Variants in UBE2Z observed in about 807,000 individuals in gnomAD.
UBE2Z encodes ubiquitin conjugating enzyme E2 Z.
UBE2Z carries 10 observed loss-of-function variants against 32.6 expected under a neutral mutation model. The ratio of observed to expected loss-of-function variants is 0.31; its 90% CI spans 0.19 to 0.52. The LOEUF (loss-of-function observed/expected upper bound fraction) is 0.52, where lower values mean the gene tolerates loss of function less well. UBE2Z is among the 20% of genes least tolerant of loss of function. The probability of loss-of-function intolerance (pLI) is 0.97; values close to 1 mark genes in which losing one functional copy is unlikely to be tolerated. For missense variants in UBE2Z, 343 were observed against 480.9 expected, an observed-to-expected ratio of 0.71 and a Z score of 2.68; for synonymous variants, 183 against 190.8, an observed-to-expected ratio of 0.96 and a Z score of 0.34.
intron 4 of UBE2Z, among the ~76,000 whole-genome samples, chr17:48,916,436 A>G (rs1365575116): frequency 6.6e-6 from 1 of 151,322 alleles, no homozygotes; most frequent in African/African-American, 2.4e-5. Flanking sequence ...TATTTTTAGT[A>G]GAGATGGGGT....
At chr17:48,913,841 CGGT>C (rs909982929) in intron 3 of UBE2Z, among the ~76,000 whole-genome samples, 4 of 151,912 alleles carry the variant, frequency 2.6e-5, no homozygotes, top group Admixed American at 2.6e-4. Context: ...AAGGCAGTGG[CGGT>C]GGTGGTGGTG....
At chr17:48,909,308 C>T (rs1001294230) in intron 1 of UBE2Z, among the ~76,000 whole-genome samples, 1 of 151,956 alleles carries the variant, frequency 6.6e-6, no homozygotes, top group Non-Finnish European at 1.5e-5. Context: ...ATGCCTCTGA[C>T]TCGAGCCAAC....
chr17:48,908,614 C>T lies in UBE2Z; in HGVS notation c.111C>T (p.Phe37=). The change falls in exon 1 of 7, where the codon TTC becomes TTT. Residue 37 remains phenylalanine (F), a synonymous_variant. Transcript: ENST00000360943. ...GCGTTAGCGGCAGCGGCGGCGGGTTCGGGCCGCCTTTCCTGCCGGATGTGT... is the reference window on the plus strand; with the variant it reads ...GCGTTAGCGGCAGCGGCGGCGGGTTTGGGCCGCCTTTCCTGCCGGATGTGT... ...VVGVSGSGGG[F]GPPFLPDVWA... 8.1e-7 allele frequency: 1 copy of T among 1,236,558 alleles called. No individual in the cohort carries two copies. The highest frequency in any genetic ancestry group is 1.0e-6 in the Non-Finnish European group (1 of 987,624). The allele number at this position is 1,236,558 out of a possible 1,614,324, so 76.6% of individuals were successfully genotyped here.
intron 3 of UBE2Z, among the ~76,000 whole-genome samples, chr17:48,914,026 A>G (rs533555041): frequency 1.3e-5 from 2 of 152,286 alleles, no homozygotes; most frequent in East Asian, 3.9e-4. Context: ...ATGAGCCTCC[A>G]TGCCTGACCT....
At chr17:48,916,627 A>G (rs1407652186) in intron 4 of UBE2Z, among the ~76,000 whole-genome samples, 1 of 138,146 alleles carries the variant, frequency 7.2e-6, no homozygotes, top group Admixed American at 7.3e-5. Context: ...GACCTAGCAC[A>G]GCCCCATGTA....
At position 48,925,506 on chromosome 17, in the gene UBE2Z, A is replaced by C. The variant is rs77354883; in HGVS notation, c.895-1458A>C. Among the ~76,000 whole-genome samples the C allele has an allele frequency of 2.2e-3, 329 of 152,308 alleles. 2 individuals are homozygous for C. Among genetic ancestry groups the C allele is most frequent in the African/African-American group, 7.5e-3 (312 of 41,574 alleles). On this transcript the variant is annotated intron_variant, in intron 6 of 6. Transcript: ENST00000360943. ...CCTGTCTCATTTAAGCACAAAGGGCAGGGCTGGCTCAGGACTAAGTTGTCT... is the reference window on the plus strand; with the variant it reads ...CCTGTCTCATTTAAGCACAAAGGGCCGGGCTGGCTCAGGACTAAGTTGTCT...
At position 48,927,013 on chromosome 17, in the gene UBE2Z, T is replaced by C. The variant is rs1207903006; in HGVS notation, c.944T>C (p.Met315Thr). The C allele has an allele frequency of 6.2e-7, 1 of 1,613,536 alleles. No homozygotes were observed. The highest frequency in any genetic ancestry group is 1.3e-5 in the African/African-American group (1 of 74,908). ...RGHFDYQSLL[M>T]RLGLIRQKVL... ...CACTTTGACTACCAGTCCCTCTTGA[T>C]GCGCCTGGGACTGATACGTCAGAAA... The change falls in exon 7 of 7, where the codon ATG becomes ACG. Residue 315 changes from methionine to threonine, a missense_variant. Physicochemically the swap from Met to Thr is moderately conservative, Grantham distance 81. Transcript: ENST00000360943.
rs747498338 is a variant in UBE2Z at position 48,913,037 on chromosome 17, T to C, written c.578+16T>C. The stretch of plus-strand genomic sequence containing the variant: ...GTATTCTAGGGTAAGAGGAGACTTT[T>C]AAGTAGCCAAGTCGGTTGTTAGCAG... On this transcript the variant is annotated intron_variant, in intron 3 of 6. Transcript: ENST00000360943. The C allele has an allele frequency of 1.9e-5, 31 of 1,610,174 alleles. No homozygotes were observed. Among genetic ancestry groups the C allele is most frequent in the Non-Finnish European group, 2.5e-5 (29 of 1,176,832 alleles).
chr17:48,926,062 C>T (rs2040795987), intron 6 of UBE2Z, among the ~76,000 whole-genome samples: 1 of 152,072 alleles, frequency 6.6e-6, no homozygotes, highest in Non-Finnish European at 1.5e-5. Flanking sequence ...CCTTTCTGTA[C>T]AACGTTTAGG....
At chr17:48,916,484 C>T (rs537196363) in intron 4 of UBE2Z, among the ~76,000 whole-genome samples, 2 of 151,666 alleles carry the variant, frequency 1.3e-5, no homozygotes, top group African/African-American at 2.4e-5. Flanking sequence ...AGCTCCTGAC[C>T]TGGTGATCCG....
At position 48,922,721 on chromosome 17, in the gene UBE2Z, T is replaced by C. The variant is rs965955346; in HGVS notation, c.804-126T>C. On this transcript the variant is annotated intron_variant, in intron 5 of 6. Transcript: ENST00000360943. Reference sequence around the variant, plus strand: ...GGCAGAGGTCACAGTGAGCTGAGGTTGCACCACTGCACTCCAACATGGGCT... The same window carrying C: ...GGCAGAGGTCACAGTGAGCTGAGGTCGCACCACTGCACTCCAACATGGGCT... 8.6e-6 allele frequency: 5 copies of C among 580,312 alleles called. No homozygotes were observed. The Admixed American group carries it at 9.0e-5, about 10-fold the overall frequency. 35.9% of individuals were successfully genotyped at this position (580,312 alleles called of 1,614,324 possible).
intron 3 of UBE2Z, among the ~76,000 whole-genome samples, chr17:48,913,358 G>GT (rs1435889070): frequency 6.6e-6 from 1 of 152,056 alleles, no homozygotes; most frequent in African/African-American, 2.4e-5. Context: ...TTTGGTTGTT[G>GT]TTTTTTGTTT....
intron 2 of UBE2Z, 93 bp downstream of exon 2, chr17:48,910,973 G>T: frequency 1.0e-6 from 1 of 1,003,926 alleles, no homozygotes; most frequent in Non-Finnish European, 1.6e-6. Context: ...TCACCTCTCC[G>T]ATTACACAGA....
intron 5 of UBE2Z, 67 bp downstream of exon 5, chr17:48,921,339 G>A (rs1483946997): frequency 3.2e-6 from 4 of 1,249,214 alleles, no homozygotes; most frequent in Non-Finnish European, 3.4e-6. Flanking sequence ...CTTTGGGGCA[G>A]AGTACAGTGT....
rs1207273844 is a variant in UBE2Z, at chr17:48,928,559, C to G, written c.*1425C>G. ...TGCCCTCTGCTATGAAGGTCTCTGC[C>G]TTGTGGATCATGGGACTCCCCTTGG... On this transcript the variant is annotated 3_prime_UTR_variant, in exon 7 of 7. Coordinates refer to ENST00000360943, the MANE Select transcript of UBE2Z (RefSeq NM_023079.5). 1.3e-5 allele frequency: 2 copies of G among 152,704 alleles called. No homozygotes were observed. Among genetic ancestry groups the G allele is most frequent in the Admixed American group, 6.6e-5 (1 of 15,260 alleles). 9.5% of individuals were successfully genotyped at this position (152,704 alleles called of 1,614,324 possible).
rs572097149 is a variant in UBE2Z, at chr17:48,927,399, G to T, written c.*265G>T. The T allele has an allele frequency of 2.5e-6, 1 of 407,104 alleles. No homozygotes were observed. Among genetic ancestry groups the T allele is most frequent in the South Asian group, 4.1e-5 (1 of 24,680 alleles). 25.2% of individuals were successfully genotyped at this position (407,104 alleles called of 1,614,324 possible). On this transcript the variant is annotated 3_prime_UTR_variant, in exon 7 of 7. Coordinates refer to ENST00000360943, the MANE Select transcript of UBE2Z (RefSeq NM_023079.5). ...AGGTACCTTTACAGGAGCACCTAGA[G>T]CGAGGGCCTTTGGCAAAAACAAAAC...
intron 4 of UBE2Z, among the ~76,000 whole-genome samples, chr17:48,920,219 G>GT (rs1417637874): frequency 6.6e-6 from 1 of 152,072 alleles, no homozygotes; most frequent in Admixed American, 6.5e-5. Flanking sequence ...GACAAGCCGG[G>GT]TGCGGTGGCT....
chr17:48,918,662 C>T lies in UBE2Z; in HGVS notation c.690+2475C>T, dbSNP rs117153768. The stretch of plus-strand genomic sequence containing the variant: ...AAGTTAACAAAAATTATTTCCTAAC[C>T]CATCCTTTCTCCAAACATTCATTTC... On this transcript the variant is annotated intron_variant, in intron 4 of 6. Transcript: ENST00000360943. 7.6e-3 allele frequency among the ~76,000 whole-genome samples: 1,151 copies of T among 152,060 alleles called. 9 individuals carry two copies. Among genetic ancestry groups the T allele is most frequent in the Non-Finnish European group, 0.012 (783 of 67,978 alleles).
intron 2 of UBE2Z, chr17:48,912,449 CATATT>C (rs771887727): frequency 3.2e-4 from 55 of 172,714 alleles, no homozygotes; most frequent in Admixed American, 6.3e-4. Flanking sequence ...TATAGATAAG[CATATT>C]ATATTTTTCC....
Sources: gnomAD v4.1 joint callset for allele counts (sites outside exome capture counted in the v4.1 genomes callset) on GRCh38, gnomAD v4.1.1 for gene constraint, MANE v1.5 for transcripts, NCBI Gene and HGNC (gene_info 2026-07-23, HGNC 2026-07-21) for gene names.